Variants in NALF1 observed in about 807,000 individuals in gnomAD.
NALF1 encodes the protein NALCN channel auxiliary factor 1, also known as family with sequence similarity 155 member A.
A neutral mutation model predicts 48.4 loss-of-function variants in NALF1; 3 were observed. The ratio of observed to expected loss-of-function variants is 0.06; its 90% CI spans 0.03 to 0.16. The LOEUF (loss-of-function observed/expected upper bound fraction) is 0.16. NALF1 is among the 10% of genes least tolerant of loss of function. The probability of loss-of-function intolerance (pLI) is 1.00; values close to 1 mark genes in which losing one functional copy is unlikely to be tolerated. For missense variants in NALF1, 526 were observed against 571.5 expected (o/e 0.92, Z 0.81); for synonymous variants, 262 against 245.7 (o/e 1.07, Z -0.62).
At chr13:107,731,835 G>T (rs1021049296) in intron 1 of NALF1, among the ~76,000 whole-genome samples, 1 of 152,052 alleles carries the variant, frequency 6.6e-6, no homozygotes, top group African/African-American at 2.4e-5. Flanking sequence ...CCATGTCTTT[G>T]CTATTGGATA....
intron 1 of NALF1, among the ~76,000 whole-genome samples, chr13:107,731,399 T>A (rs1182377839): frequency 6.6e-6 from 1 of 152,188 alleles, no homozygotes; most frequent in Non-Finnish European, 1.5e-5. Context: ...CAATTAATTA[T>A]TTTTTAACTT....
At chr13:107,640,401 A>C (rs574333754) in intron 1 of NALF1, among the ~76,000 whole-genome samples, 2 of 152,192 alleles carry the variant, frequency 1.3e-5, no homozygotes, top group African/African-American at 4.8e-5. Context: ...AAACGTTCCT[A>C]AATTTATAAG....
chr13:107,622,547 A>G (rs4441132), intron 1 of NALF1, among the ~76,000 whole-genome samples: 150,108 of 152,126 alleles, frequency 0.99, 74,103 homozygotes, highest in Middle Eastern at 1. Flanking sequence ...TGTCTCTGCT[A>G]AATTTTGCCT....
At chr13:107,731,238 A>T (rs1025208662) in intron 1 of NALF1, among the ~76,000 whole-genome samples, 3 of 152,146 alleles carry the variant, frequency 2.0e-5, no homozygotes, top group African/African-American at 7.2e-5. Flanking sequence ...TTAAAATGGT[A>T]TCTTTTTGTA....
At chr13:107,184,851 C>G (rs559322279) in intron 2 of NALF1, among the ~76,000 whole-genome samples, 2 of 152,288 alleles carry the variant, frequency 1.3e-5, no homozygotes, top group East Asian at 3.9e-4. Flanking sequence ...ATAGGTTACA[C>G]TGAGTCTCCA....
At chr13:107,609,852 A>G (rs1879179573) in intron 1 of NALF1, among the ~76,000 whole-genome samples, 1 of 152,238 alleles carries the variant, frequency 6.6e-6, no homozygotes, top group Non-Finnish European at 1.5e-5. Flanking sequence ...AGATGCATCT[A>G]TATTTACATG....
chr13:107,201,279 G>C (rs1211139850), intron 2 of NALF1, among the ~76,000 whole-genome samples: 1 of 152,186 alleles, frequency 6.6e-6, no homozygotes, highest in African/African-American at 2.4e-5. Context: ...TCAGAAGGAA[G>C]TTTCTCTAGC....
Position 107,178,953 on chromosome 13 carries a change from AAC to A in NALF1, c.1088-8169_1088-8168del, listed in dbSNP as rs1389955349. Reference sequence around the variant, plus strand: ...GAGTGAGACTCTGTCTCAAAAAACAAACAAAAAAAAAAAACAAAAAATAGAGC... The same window carrying A: ...GAGTGAGACTCTGTCTCAAAAAACAAAAAAAAAAAAAACAAAAAATAGAGC... On this transcript the variant is annotated intron_variant, in intron 2 of 2. Coordinates refer to ENST00000375915, the MANE Select transcript of NALF1 (RefSeq NM_001080396.3). Among the ~76,000 whole-genome samples, 191 of 138,702 alleles carry A rather than the reference AAC, an allele frequency of 1.4e-3. 1 individual carries two copies. The highest frequency in any genetic ancestry group is 4.6e-3 in the African/African-American group (181 of 39,476). 91.0% of individuals were successfully genotyped at this position (138,702 alleles called of 152,430 possible). A position where few individuals can be genotyped will look rare whatever the true frequency, so the allele number is the denominator to read the frequency against.
intron 1 of NALF1, among the ~76,000 whole-genome samples, chr13:107,607,051 G>C (rs1468707564): frequency 6.6e-6 from 1 of 152,092 alleles, no homozygotes; most frequent in African/African-American, 2.4e-5. Flanking sequence ...AAAAGTATTT[G>C]TGGTTTTTGT....
At chr13:107,856,733 G>C (rs1219889144) in intron 1 of NALF1, among the ~76,000 whole-genome samples, 1 of 152,046 alleles carries the variant, frequency 6.6e-6, no homozygotes, top group Non-Finnish European at 1.5e-5. Flanking sequence ...TCACTTCCGG[G>C]TGCCTCATCT....
intron 1 of NALF1, among the ~76,000 whole-genome samples, chr13:107,560,356 T>C (rs1023963455): frequency 2.6e-4 from 39 of 152,074 alleles, no homozygotes; most frequent in Non-Finnish European, 4.9e-4. Flanking sequence ...AACCACTGAA[T>C]TGAATAAAAT....
chr13:107,222,322 G>A lies in NALF1; in HGVS notation c.916-11567C>T, dbSNP rs1233510653. On this transcript the variant is annotated intron_variant, in intron 1 of 2. Transcript: ENST00000375915. ...ACAGAAGTGACACTAACTTGTATAT[G>A]TTTTAATTGTACTTGCTAAACATTT... Among the ~76,000 whole-genome samples, 4 of 152,124 alleles carry A rather than the reference G, an allele frequency of 2.6e-5. No homozygotes were observed. The East Asian group carries it at 7.7e-4, about 29-fold the overall frequency.
At chr13:107,328,641 T>G (rs1305474191) in intron 1 of NALF1, among the ~76,000 whole-genome samples, 1 of 152,178 alleles carries the variant, frequency 6.6e-6, no homozygotes, top group Non-Finnish European at 1.5e-5. Flanking sequence ...AAATGAATAG[T>G]ACAATGCCTC....
intron 1 of NALF1, among the ~76,000 whole-genome samples, chr13:107,343,365 G>A (rs969407048): frequency 9.2e-5 from 14 of 152,180 alleles, no homozygotes; most frequent in African/African-American, 3.4e-4. Flanking sequence ...TGTTGTGGGA[G>A]GGACCCAGTG....
At chr13:107,473,290 T>C (rs892472621) in intron 1 of NALF1, among the ~76,000 whole-genome samples, 4 of 152,020 alleles carry the variant, frequency 2.6e-5, no homozygotes, top group African/African-American at 2.4e-5. Context: ...AACATTGGGG[T>C]TTTGGACACA....
At chr13:107,710,830 C>CAA (rs34763555) in intron 1 of NALF1, among the ~76,000 whole-genome samples, 121,775 of 147,388 alleles carry the variant, frequency 0.83, 50,311 homozygotes, top group East Asian at 0.93. Flanking sequence ...TATACACATA[C>CAA]AGAGACACGT....
At chr13:107,360,577 C>T (rs762992801) in intron 1 of NALF1, among the ~76,000 whole-genome samples, 1 of 152,106 alleles carries the variant, frequency 6.6e-6, no homozygotes, top group Non-Finnish European at 1.5e-5. Context: ...ATACCAAATC[C>T]TATTTAATGT....
chr13:107,194,377 T>C (rs768670110), intron 2 of NALF1, among the ~76,000 whole-genome samples: 2 of 152,162 alleles, frequency 1.3e-5, no homozygotes, highest in East Asian at 1.9e-4. Flanking sequence ...GAAATAGGCA[T>C]GTAGATCAGC....
intron 2 of NALF1, among the ~76,000 whole-genome samples, chr13:107,208,046 C>T (rs7322655): frequency 0.8 from 121,744 of 152,190 alleles, 48,902 homozygotes; most frequent in East Asian, 0.9. Flanking sequence ...CAAAGAGGCA[C>T]AGGTCACACC....
Sources: gnomAD v4.1 joint callset for allele counts (sites outside exome capture counted in the v4.1 genomes callset) on GRCh38, gnomAD v4.1.1 for gene constraint, MANE v1.5 for transcripts, NCBI Gene and HGNC (gene_info 2026-07-23, HGNC 2026-07-21) for gene names.